The following VAV3 variants were observed in gnomAD, a reference collection of about 807,000 sequenced individuals.
VAV3 encodes vav guanine nucleotide exchange factor 3.
VAV3 carries 94 observed loss-of-function variants against 131.2 expected under a neutral mutation model. The observed-to-expected ratio is 0.72, with a 90% CI of 0.61 to 0.85. The LOEUF is 0.85. Ranked by LOEUF, VAV3 falls within the 40% of genes least tolerant of loss-of-function variation. The pLI, the probability that VAV3 is intolerant of heterozygous loss-of-function variation, is 0.00. For missense variants in VAV3, 939 were observed against 1,002.7 expected, an observed-to-expected ratio of 0.94 and a Z score of 0.86; for synonymous variants, 349 against 342.0, an observed-to-expected ratio of 1.02 and a Z score of -0.22.
intron 11 of VAV3, 118 bp downstream of exon 11, chr1:107,757,143 A>C (rs1664147972): frequency 1.6e-6 from 1 of 614,336 alleles, no homozygotes; most frequent in African/African-American, 2.5e-5. Flanking sequence ...GTGTATATAT[A>C]TGTGTGTATA....
intron 24 of VAV3, among the ~76,000 whole-genome samples, chr1:107,596,943 T>C (rs942030382): frequency 6.6e-6 from 1 of 152,188 alleles, no homozygotes; most frequent in East Asian, 1.9e-4. Flanking sequence ...ATAAATAATT[T>C]GTCTTAAATA....
chr1:107,575,584 T>A (rs1390722759), intron 25 of VAV3, among the ~76,000 whole-genome samples: 1 of 152,216 alleles, frequency 6.6e-6, no homozygotes, highest in Non-Finnish European at 1.5e-5. Context: ...CACTGAAAAC[T>A]GTCCCATTAC....
At chr1:107,915,661 G>A (rs1195061641) in intron 1 of VAV3, among the ~76,000 whole-genome samples, 1 of 152,202 alleles carries the variant, frequency 6.6e-6, no homozygotes, top group Non-Finnish European at 1.5e-5. Flanking sequence ...TTTGCTAGTT[G>A]ATGAGCACCC....
chr1:107,932,246 G>T (rs72985403), intron 1 of VAV3, among the ~76,000 whole-genome samples: 1 of 152,212 alleles, frequency 6.6e-6, no homozygotes, highest in Non-Finnish European at 1.5e-5. Context: ...TCAAGAGCGG[G>T]CATTAAGACA....
intron 2 of VAV3, among the ~76,000 whole-genome samples, chr1:107,850,334 A>G (rs1252248268): frequency 6.6e-6 from 1 of 152,196 alleles, no homozygotes; most frequent in Non-Finnish European, 1.5e-5. Context: ...ATGCCCATCA[A>G]TGATAGACTG....
In VAV3 at chr1:107,768,508, T is replaced by C. The variant is rs1664858522; in HGVS notation, c.650A>G (p.Tyr217Cys). The C allele has an allele frequency of 1.9e-6, 3 of 1,611,172 alleles. No homozygotes were observed. Among genetic ancestry groups the C allele is most frequent in the East Asian group, 2.2e-5 (1 of 44,676 alleles). The change falls in exon 7 of 27, where the codon TAT becomes TGT. Residue 217 changes from tyrosine (Y) to cysteine (C), a missense_variant and splice_region_variant. Physicochemically the swap from Tyr to Cys is radical, Grantham distance 194 (BLOSUM62 -2). Coordinates refer to ENST00000370056, the MANE Select transcript of VAV3 (RefSeq NM_006113.5). Reference protein sequence around the residue: ...YTETLESIEKYFMAPLKRFLT... With the variant: ...YTETLESIEKCFMAPLKRFLT... ...AAATCTTTTTAGTGGTGCCATGAAA[T>C]ACTACCAGGAAAGAAGAAGAAAATA...
intron 18 of VAV3, among the ~76,000 whole-genome samples, chr1:107,687,382 C>G (rs182137939): frequency 6.6e-6 from 1 of 152,210 alleles, no homozygotes; most frequent in African/African-American, 2.4e-5. Flanking sequence ...GGATTAAAAA[C>G]ATACTAATAT....
At chr1:107,849,264 T>G (rs1164177124) in intron 2 of VAV3, among the ~76,000 whole-genome samples, 2 of 148,382 alleles carry the variant, frequency 1.3e-5, no homozygotes, top group African/African-American at 2.5e-5. Flanking sequence ...AAAGTCTGCA[T>G]AGCCAAGACA....
intron 2 of VAV3, among the ~76,000 whole-genome samples, chr1:107,820,113 A>AC (rs1489578537): frequency 1.3e-5 from 2 of 152,202 alleles, no homozygotes; most frequent in Non-Finnish European, 2.9e-5. Context: ...CTAGGTATAT[A>AC]CCCCAAAGAA....
At chr1:107,803,419 T>A (rs1365686545) in intron 2 of VAV3, among the ~76,000 whole-genome samples, 1 of 152,118 alleles carries the variant, frequency 6.6e-6, no homozygotes, top group African/African-American at 2.4e-5. Flanking sequence ...CTGCTGTTGC[T>A]GTATCCCACA....
At chr1:107,812,169 T>C (rs928178580) in intron 2 of VAV3, among the ~76,000 whole-genome samples, 1 of 152,216 alleles carries the variant, frequency 6.6e-6, no homozygotes, top group Non-Finnish European at 1.5e-5. Context: ...TACAGGAAAC[T>C]TCCTGAAACT....
intron 2 of VAV3, among the ~76,000 whole-genome samples, chr1:107,786,584 C>T (rs1407876786): frequency 2.0e-5 from 3 of 152,228 alleles, no homozygotes; most frequent in South Asian, 2.1e-4. Flanking sequence ...CTATTTCTAA[C>T]GTCATCATCA....
chr1:107,760,356 T>C (rs1371099321), intron 10 of VAV3, among the ~76,000 whole-genome samples: 6 of 152,186 alleles, frequency 3.9e-5, no homozygotes, highest in Admixed American at 2.6e-4. Flanking sequence ...TTTAGTATAG[T>C]AGAAAGCAAT....
intron 17 of VAV3, among the ~76,000 whole-genome samples, chr1:107,692,764 G>A (rs992248738): frequency 6.6e-6 from 1 of 152,124 alleles, no homozygotes; most frequent in African/African-American, 2.4e-5. Flanking sequence ...AGATAAAAGT[G>A]CAATTAAACA....
At chr1:107,891,459 G>A (rs1671307876) in intron 1 of VAV3, among the ~76,000 whole-genome samples, 1 of 152,092 alleles carries the variant, frequency 6.6e-6, no homozygotes, top group South Asian at 2.1e-4. Flanking sequence ...AAGAAAACTA[G>A]GAACAAAAGA....
chr1:107,732,479 T>A (rs1022332887), intron 15 of VAV3, among the ~76,000 whole-genome samples: 4 of 152,156 alleles, frequency 2.6e-5, no homozygotes, highest in African/African-American at 9.7e-5. Context: ...CGTGACAGAC[T>A]ATACCAGGAA....
At chr1:107,741,972 A>G (rs1315467610) in intron 15 of VAV3, among the ~76,000 whole-genome samples, 2 of 152,248 alleles carry the variant, frequency 1.3e-5, no homozygotes, top group East Asian at 3.8e-4. Context: ...AAGGGCTAGC[A>G]TCAGGTTAGG....
intron 1 of VAV3, among the ~76,000 whole-genome samples, chr1:107,935,378 A>G (rs1673656251): frequency 6.6e-6 from 1 of 152,194 alleles, no homozygotes; most frequent in South Asian, 2.1e-4. Flanking sequence ...CAAAGAAGTA[A>G]ATATATAATT....
At chr1:107,912,993 T>C (rs1413583502) in intron 1 of VAV3, among the ~76,000 whole-genome samples, 2 of 152,220 alleles carry the variant, frequency 1.3e-5, no homozygotes, top group African/African-American at 4.8e-5. Context: ...CCAGGTCTAA[T>C]ATGAAGATGG....
Sources: gnomAD v4.1 joint callset for allele counts (sites outside exome capture counted in the v4.1 genomes callset) on GRCh38, gnomAD v4.1.1 for gene constraint, MANE v1.5 for transcripts, NCBI Gene and HGNC (gene_info 2026-07-23, HGNC 2026-07-21) for gene names.